The following C2CD2 variants were observed in gnomAD, a reference collection of about 807,000 sequenced individuals.
C2CD2 encodes the protein C2 calcium dependent domain containing 2, also known as C2 domain-containing protein 2.
A neutral mutation model predicts 74.3 loss-of-function variants in C2CD2; 43 were observed. The observed-to-expected ratio is 0.58, with a 90% confidence interval of 0.45 to 0.75. The LOEUF (loss-of-function observed/expected upper bound fraction) is 0.75, where lower values mean the gene tolerates loss of function less well. Among genes scored for constraint, C2CD2 ranks in the 30% least tolerant of loss-of-function variants. C2CD2 has a pLI of 0.00. For missense variants in C2CD2, 801 were observed against 916.3 expected (o/e 0.87, Z 1.63); for synonymous variants, 422 against 390.7 (o/e 1.08, Z -0.94).
intron 1 of C2CD2, among the ~76,000 whole-genome samples, chr21:41,952,663 G>A (rs1183369187): frequency 1.3e-5 from 2 of 152,264 alleles, no homozygotes; most frequent in African/African-American, 4.8e-5. Flanking sequence ...GGCAGCAGAG[G>A]TAAGACACGA....
At position 41,953,883 on chromosome 21, in the gene C2CD2, G is replaced by T. The variant is rs1029525063; in HGVS notation, c.-235C>A. On this transcript the variant is annotated 5_prime_UTR_variant, in exon 1 of 14. Coordinates refer to ENST00000380486, the MANE Select transcript of C2CD2 (RefSeq NM_015500.2). The stretch of plus-strand genomic sequence containing the variant: ...AGCCCCGCACACCTGCGGAACAGGG[G>T]CGCGAGCGGACCCCGCGGCCCGCGC... 2.2e-5 allele frequency: 5 copies of T among 231,380 alleles called. No homozygotes were observed. The highest frequency in any genetic ancestry group is 1.2e-4 in the Admixed American group (2 of 17,328). 14.3% of individuals were successfully genotyped at this position (231,380 alleles called of 1,614,324 possible). A position where few individuals can be genotyped will look rare whatever the true frequency, so the allele number is the denominator to read the frequency against.
At chr21:41,928,728 A>G (rs1319179450) in intron 2 of C2CD2, among the ~76,000 whole-genome samples, 1 of 151,778 alleles carries the variant, frequency 6.6e-6, no homozygotes, top group African/African-American at 2.4e-5. Context: ...GGCGTATTTC[A>G]GCATCAGGTA....
intron 2 of C2CD2, among the ~76,000 whole-genome samples, chr21:41,937,776 A>G (rs8134683): frequency 0.037 from 5,653 of 152,342 alleles, 368 homozygotes; most frequent in African/African-American, 0.13. Flanking sequence ...TTAGCCTTAA[A>G]AATGAAGAAA....
intron 2 of C2CD2, among the ~76,000 whole-genome samples, chr21:41,941,529 A>G (rs1277680643): frequency 2.0e-5 from 3 of 152,258 alleles, no homozygotes; most frequent in African/African-American, 7.2e-5. Context: ...ACACATAAAT[A>G]TATGTACATA....
At chr21:41,914,489 A>AC in intron 6 of C2CD2, 109 bp downstream of exon 6, 10 of 852,576 alleles carry the variant, frequency 1.2e-5, no homozygotes, top group Non-Finnish European at 1.6e-5. Context: ...CTCCCGCTGC[A>AC]CCCCCACGGG....
At chr21:41,950,081 T>C (rs112144442) in intron 1 of C2CD2, among the ~76,000 whole-genome samples, 7,404 of 151,952 alleles carry the variant, frequency 0.049, 282 homozygotes, top group African/African-American at 0.1. Flanking sequence ...GGCACACGTA[T>C]ACCTATGTAA....
At chr21:41,908,171 C>A (rs987264937) in intron 8 of C2CD2, 2 of 272,142 alleles carry the variant, frequency 7.3e-6, no homozygotes, top group Non-Finnish European at 7.0e-6. Flanking sequence ...CAGAGAGTAT[C>A]TCCATTCCTG....
chr21:41,934,769 C>T (rs149817322), intron 2 of C2CD2, among the ~76,000 whole-genome samples: 6 of 152,138 alleles, frequency 3.9e-5, no homozygotes, highest in South Asian at 2.1e-4. Flanking sequence ...GGTGAGAAGC[C>T]GAGCCACACA....
intron 2 of C2CD2, among the ~76,000 whole-genome samples, chr21:41,931,374 T>C (rs975795295): frequency 2.7e-5 from 4 of 150,060 alleles, no homozygotes; most frequent in African/African-American, 9.7e-5. Flanking sequence ...CACAAAGCTC[T>C]GAAAACCCTT....
intron 2 of C2CD2, 81 bp downstream of exon 2, chr21:41,942,066 C>T: frequency 2.0e-6 from 3 of 1,501,058 alleles, no homozygotes; most frequent in Non-Finnish European, 2.7e-6. Context: ...TCCGCATTTT[C>T]AATGATTCTA....
chr21:41,948,451 G>T (rs2065420674), intron 1 of C2CD2, among the ~76,000 whole-genome samples: 1 of 152,200 alleles, frequency 6.6e-6, no homozygotes, highest in Non-Finnish European at 1.5e-5. Context: ...TCTGAGCTGA[G>T]ACCCAAAAGA....
At position 41,886,308 on chromosome 21, in the gene C2CD2, A is replaced by G. The variant is rs1209047065; in HGVS notation, c.*2816T>C. 6.6e-6 allele frequency: 1 copy of G among 152,248 alleles called. No individual in the cohort carries two copies. The highest frequency in any genetic ancestry group is 2.4e-5 in the African/African-American group (1 of 41,466). The allele number at this position is 152,248 out of a possible 1,614,324, so 9.4% of individuals were successfully genotyped here. A position where few individuals can be genotyped will look rare whatever the true frequency, so the allele number is the denominator to read the frequency against. On this transcript the variant is annotated 3_prime_UTR_variant, in exon 14 of 14. Coordinates refer to ENST00000380486, the MANE Select transcript of C2CD2 (RefSeq NM_015500.2). ...CGATAAAGGTGATTTACACATCAGT[A>G]TTTTTAGCATTTGGTGGATAATCTT...
At chr21:41,928,544 CAAAAAAAAAAAA>C (rs59346777) in intron 2 of C2CD2, among the ~76,000 whole-genome samples, 4 of 72,266 alleles carry the variant, frequency 5.5e-5, no homozygotes, top group Non-Finnish European at 7.5e-5. Flanking sequence ...TAAAGCAAAG[CAAAAAAAAAAAA>C]AAAAAAAAAA....
At position 41,922,160 on chromosome 21, in the gene C2CD2, C is replaced by CTTT. The variant is rs375824611; in HGVS notation, c.379-76_379-75insAAA. ...GCGCGTGCATACGCATCTTCTTCTT[C>CTTT]TTCTTTTTTTTTTTTTGAGACAAGG... On this transcript the variant is annotated intron_variant, in intron 2 of 13. Coordinates refer to ENST00000380486, the MANE Select transcript of C2CD2 (RefSeq NM_015500.2). The CTTT allele has an allele frequency of 3.7e-4, 270 of 726,292 alleles. 8 individuals are homozygous for CTTT. The highest frequency in any genetic ancestry group is 1.7e-3 in the Middle Eastern group (5 of 3,014). 45.0% of individuals were successfully genotyped at this position (726,292 alleles called of 1,614,324 possible).
chr21:41,914,595 C>A lies in C2CD2; in HGVS notation c.844+3G>T. The A allele has an allele frequency of 6.2e-7, 1 of 1,612,886 alleles. No individual in the cohort carries two copies. The highest frequency in any genetic ancestry group is 8.5e-7 in the Non-Finnish European group (1 of 1,179,438). ...AGGCAGGCAGGCTCCCATCGTCACCCACCTGAGGCACCGGGCTCGCTGAGC... is the reference window on the plus strand; with the variant it reads ...AGGCAGGCAGGCTCCCATCGTCACCAACCTGAGGCACCGGGCTCGCTGAGC... On this transcript the variant is annotated splice_donor_region_variant and intron_variant, in intron 6 of 13. Coordinates refer to ENST00000380486, the MANE Select transcript of C2CD2 (RefSeq NM_015500.2).
At chr21:41,906,860 C>T in intron 10 of C2CD2, 132 bp downstream of exon 10, 1 of 646,434 alleles carries the variant, frequency 1.5e-6, no homozygotes, top group Non-Finnish European at 2.7e-6. Context: ...GGCCAATTAG[C>T]ACCCTTCCTG....
At chr21:41,935,025 G>T (rs2065294950) in intron 2 of C2CD2, among the ~76,000 whole-genome samples, 1 of 152,162 alleles carries the variant, frequency 6.6e-6, no homozygotes, top group East Asian at 1.9e-4. Flanking sequence ...CCAAGTAGCT[G>T]GGATTACAGG....
In C2CD2 at chr21:41,939,103, T is replaced by C. The variant is rs2065334031; in HGVS notation, c.378+3044A>G. ...CACCGCGTGGACGAGCCACAGTTTA[T>C]TGATCTATTCGCCCATCAGTGGGCC... On this transcript the variant is annotated intron_variant, in intron 2 of 13. Coordinates refer to ENST00000380486, the MANE Select transcript of C2CD2 (RefSeq NM_015500.2). The surrounding 1 kb of genome is among the most constrained non-coding windows in gnomAD (Gnocchi z 5.5). Among the ~76,000 whole-genome samples, 1 of 152,192 alleles carries C rather than the reference T, an allele frequency of 6.6e-6. No homozygotes were observed. The highest frequency in any genetic ancestry group is 6.5e-5 in the Admixed American group (1 of 15,280).
At chr21:41,893,771 A>T (rs2064787553) in intron 13 of C2CD2, among the ~76,000 whole-genome samples, 1 of 136,966 alleles carries the variant, frequency 7.3e-6, no homozygotes, top group Non-Finnish European at 1.5e-5. Context: ...GTGCTATCTC[A>T]GCTCACTGCA....
Sources: gnomAD v4.1 joint callset for allele counts (sites outside exome capture counted in the v4.1 genomes callset) on GRCh38, gnomAD v4.1.1 for gene constraint, Gnocchi (gnomAD v3.1) non-coding constraint, MANE v1.5 for transcripts, NCBI Gene and HGNC (gene_info 2026-07-23, HGNC 2026-07-21) for gene names.